UTP4: variants seen among roughly 807,000 people sequenced by gnomAD.
The protein encoded by UTP4 is U3 small nucleolar RNA-associated protein 4 homolog.
UTP4 carries 45 observed loss-of-function variants against 82.4 expected under a neutral mutation model. The ratio of observed to expected loss-of-function variants is 0.55; its 90% CI spans 0.43 to 0.70. The LOEUF is 0.70. Ranked by LOEUF, UTP4 falls within the 30% of genes least tolerant of loss-of-function variation. UTP4 has a pLI of 0.00. For synonymous variants in UTP4, 348 were observed against 300.3 expected, an observed-to-expected ratio of 1.16 and a Z score of -1.64; for missense variants, 819 against 858.3, an observed-to-expected ratio of 0.95 and a Z score of 0.57.
chr16:69,149,792 G>C (rs930921003), intron 6 of UTP4, among the ~76,000 whole-genome samples: 1 of 151,848 alleles, frequency 6.6e-6, no homozygotes, highest in Non-Finnish European at 1.5e-5. Context: ...GCAGTGGTGC[G>C]ATCTTGGCGT....
At position 69,168,913 on chromosome 16, in the gene UTP4, T is replaced by G. The variant is rs752405597; in HGVS notation, c.2037T>G (p.Ile679Met). The change falls in exon 17 of 17, where the codon ATT (isoleucine) becomes ATG (methionine). Residue 679 changes from isoleucine (I) to methionine (M), a missense_variant. Physicochemically the swap from Ile to Met is conservative, Grantham distance 10. Coordinates refer to ENST00000314423, the MANE Select transcript of UTP4 (RefSeq NM_032830.3). ...TCATTGCTCAGCTCCCACCACCCAT[T>G]AAAAAGAAGAAATTTGGAACCTAAA... is the stretch of plus-strand genomic sequence containing the variant. ...DDIIAQLPPP[I>M]KKKKFGT is the part of the protein sequence containing the mutation. 1 of 1,613,206 alleles carries G rather than the reference T, an allele frequency of 6.2e-7. No homozygotes were observed. The highest frequency in any genetic ancestry group is 8.5e-7 in the Non-Finnish European group (1 of 1,179,198).
intron 8 of UTP4, among the ~76,000 whole-genome samples, chr16:69,152,384 C>T (rs1963295151): frequency 1.3e-5 from 2 of 151,876 alleles, no homozygotes; most frequent in South Asian, 4.2e-4. Context: ...TTCTTGAGCT[C>T]AAGCAGTCCT....
At chr16:69,164,584 C>A (rs973373506) in intron 14 of UTP4, among the ~76,000 whole-genome samples, 1 of 81,752 alleles carries the variant, frequency 1.2e-5, no homozygotes, top group Admixed American at 1.4e-4. Context: ...TCTAATCATT[C>A]TTTATATATA....
In UTP4 at chr16:69,157,181, A is replaced by G. The variant is rs1397010492; in HGVS notation, c.1385A>G (p.His462Arg). 2 of 1,614,230 alleles carry G rather than the reference A, an allele frequency of 1.2e-6. No homozygotes were observed. The highest frequency in any genetic ancestry group is 1.7e-5 in the Admixed American group (1 of 60,028). ...LFVASNQGAL[H>R]IVQLSGGSFK... ...GTAGCATCAAATCAAGGAGCTCTGCATATTGTTCAGCTGTCAGGAGGAAGC... is the reference window on the plus strand; with the variant it reads ...GTAGCATCAAATCAAGGAGCTCTGCGTATTGTTCAGCTGTCAGGAGGAAGC... Residue 462 changes from histidine to arginine, a missense_variant, in exon 12 of 17, where the codon CAT becomes CGT. His to Arg is a conservative substitution (Grantham distance 29, BLOSUM62 0). Transcript: ENST00000314423.
chr16:69,150,284 C>G (rs1963225721), intron 6 of UTP4, among the ~76,000 whole-genome samples: 1 of 152,074 alleles, frequency 6.6e-6, no homozygotes, highest in Non-Finnish European at 1.5e-5. Context: ...CTAAGGAGAT[C>G]TATGTTGGGT....
At chr16:69,163,957 A>T (rs1367055505) in intron 14 of UTP4, among the ~76,000 whole-genome samples, 1 of 144,986 alleles carries the variant, frequency 6.9e-6, no homozygotes, top group Non-Finnish European at 1.5e-5. Context: ...GCGATCTCCG[A>T]TCACTGCAAG....
At chr16:69,154,586 A>T in intron 10 of UTP4, 129 bp downstream of exon 10, 1 of 757,330 alleles carries the variant, frequency 1.3e-6, no homozygotes, top group South Asian at 1.6e-5. Flanking sequence ...TGAATGAAGG[A>T]CTGTGTCACC....
In UTP4 at chr16:69,142,265, T is replaced by C. The variant is rs561268937; in HGVS notation, c.527-913T>C. ...CAGATCTTTTCTTTTGTGTCAGTTA[T>C]GTTCCTCAGAAATGGTTTTTCATTC... On this transcript the variant is annotated intron_variant, in intron 5 of 16. Transcript: ENST00000314423. 2.0e-5 allele frequency: 3 copies of C among 152,444 alleles called. No homozygotes were observed. The South Asian group carries it at 6.2e-4, about 32-fold the overall frequency. 9.4% of individuals were successfully genotyped at this position (152,444 alleles called of 1,614,324 possible). A position where few individuals can be genotyped will look rare whatever the true frequency, so the allele number is the denominator to read the frequency against.
At chr16:69,156,154 C>CTTTTT (rs36043898) in intron 11 of UTP4, among the ~76,000 whole-genome samples, 161 bp downstream of exon 11, 64 of 130,466 alleles carry the variant, frequency 4.9e-4, no homozygotes, top group African/African-American at 9.1e-4. Context: ...TTCTTTCTTT[C>CTTTTT]TTTTTTTTTT....
chr16:69,152,698 C>G (rs1216497389), intron 8 of UTP4, among the ~76,000 whole-genome samples: 1 of 152,106 alleles, frequency 6.6e-6, no homozygotes, highest in East Asian at 1.9e-4. Flanking sequence ...GTCTTGAACT[C>G]CTGACCTCAG....
rs1671111726 is a variant in UTP4 at position 69,165,327 on chromosome 16, A to G, written c.1648-14A>G. 3 of 1,613,442 alleles carry G rather than the reference A, an allele frequency of 1.9e-6. No individual in the cohort carries two copies. The highest frequency in any genetic ancestry group is 2.5e-6 in the Non-Finnish European group (3 of 1,179,464). On this transcript the variant is annotated splice_polypyrimidine_tract_variant and intron_variant, in intron 14 of 16. Coordinates refer to ENST00000314423, the MANE Select transcript of UTP4 (RefSeq NM_032830.3). ...GTACCAGCCTGCATTTCTCTATGTC[A>G]TGTCCTCCCTCAGGTATTTGAGTAC...
chr16:69,143,213 T>C lies in UTP4; in HGVS notation c.562T>C (p.Tyr188His), dbSNP rs749071940. ...AVHKMIVDRQYMGVSKRKCIV... is the reference protein window; with the variant it reads ...AVHKMIVDRQHMGVSKRKCIV... ...TCATAAGATGATTGTGGACAGGCAGTATATGGGCGTGTCTAAGCGGAAGTG... is the reference window on the plus strand; with the variant it reads ...TCATAAGATGATTGTGGACAGGCAGCATATGGGCGTGTCTAAGCGGAAGTG... The change falls in exon 6 of 17, where the codon TAT becomes CAT. Residue 188 changes from tyrosine to histidine, a missense_variant. Physicochemically the swap from Tyr to His is moderately conservative, Grantham distance 83. Coordinates refer to ENST00000314423, the MANE Select transcript of UTP4 (RefSeq NM_032830.3). 2.5e-6 allele frequency: 4 copies of C among 1,614,220 alleles called. No homozygotes were observed. Among genetic ancestry groups the C allele is most frequent in the East Asian group, 4.5e-5 (2 of 44,890 alleles).
chr16:69,161,063 TC>T (rs776553336), intron 13 of UTP4, among the ~76,000 whole-genome samples: 3 of 152,198 alleles, frequency 2.0e-5, no homozygotes, highest in Non-Finnish European at 4.4e-5. Flanking sequence ...TGTAAACACA[TC>T]CAGGTTCTTT....
chr16:69,155,552 A>G (rs1486063581), intron 10 of UTP4, among the ~76,000 whole-genome samples: 1 of 152,130 alleles, frequency 6.6e-6, no homozygotes, highest in Non-Finnish European at 1.5e-5. Context: ...CAAACCACCT[A>G]TCCTCCAGAG....
chr16:69,165,187 T>TC (rs1448447020), intron 14 of UTP4, among the ~76,000 whole-genome samples, 154 bp from the exon 15 acceptor site: 1 of 149,528 alleles, frequency 6.7e-6, no homozygotes, highest in African/African-American at 2.5e-5. Flanking sequence ...AGAGTGAGAC[T>TC]CCATCTCAAA....
rs757466273 is a variant in UTP4 at position 69,150,778 on chromosome 16, T to G, written c.911-35T>G. The G allele has an allele frequency of 3.7e-6, 6 of 1,613,340 alleles. No individual in the cohort carries two copies. In the East Asian group the frequency reaches 8.9e-5, roughly 24 times the overall value. On this transcript the variant is annotated intron_variant, in intron 7 of 16. Coordinates refer to ENST00000314423, the MANE Select transcript of UTP4 (RefSeq NM_032830.3). ...TCTGGCTGTTCTCGTGAGGATGACT[T>G]CTAATTCTGTACACCTTCTCCCCTG...
intron 8 of UTP4, among the ~76,000 whole-genome samples, chr16:69,151,482 C>G (rs527919884): frequency 6.6e-6 from 1 of 151,826 alleles, no homozygotes; most frequent in East Asian, 1.9e-4. Flanking sequence ...CCACCACGCC[C>G]GGCTAATTTT....
intron 8 of UTP4, among the ~76,000 whole-genome samples, chr16:69,152,464 C>CTTT (rs58914042): frequency 4.0e-4 from 43 of 107,132 alleles, no homozygotes; most frequent in South Asian, 9.6e-4. Flanking sequence ...TTCTGTTTTT[C>CTTT]TTTTTTTTTT....
At position 69,163,124 on chromosome 16, in the gene UTP4, T is replaced by C; in HGVS notation, c.1593T>C (p.Ala531=). 1 of 1,614,176 alleles carries C rather than the reference T, an allele frequency of 6.2e-7. No homozygotes were observed. The highest frequency in any genetic ancestry group is 2.2e-5 in the East Asian group (1 of 44,882). ...CTGCTTACAATTTCCCAGTGACTGCTATGGCTATTGCCCCCAATACCAACA... is the reference window on the plus strand; with the variant it reads ...CTGCTTACAATTTCCCAGTGACTGCCATGGCTATTGCCCCCAATACCAACA... The part of the protein sequence containing the change: ...TVPAYNFPVT[A]MAIAPNTNNL... Residue 531 remains alanine (A), a synonymous_variant, in exon 14 of 17, where the codon GCT becomes GCC. Coordinates refer to ENST00000314423, the MANE Select transcript of UTP4 (RefSeq NM_032830.3).
Sources: allele counts gnomAD v4.1 joint callset (sites outside exome capture counted in the v4.1 genomes callset), GRCh38; gene constraint gnomAD v4.1.1; transcripts MANE v1.5; gene names NCBI Gene and HGNC (gene_info 2026-07-23, HGNC 2026-07-21).